COL4A1: variants seen among roughly 807,000 people sequenced by gnomAD.
COL4A1 encodes collagen alpha-1(IV) chain.
COL4A1 carries 40 observed loss-of-function variants against 216.6 expected under a neutral mutation model. The ratio of observed to expected loss-of-function variants is 0.18; its 90% CI spans 0.14 to 0.24. COL4A1 has a LOEUF of 0.24. Ranked by LOEUF, COL4A1 falls within the 10% of genes least tolerant of loss-of-function variation. COL4A1 has a pLI of 1.00. For synonymous variants in COL4A1, 839 were observed against 810.7 expected, an observed-to-expected ratio of 1.03 and a Z score of -0.59; for missense variants, 1,628 against 2,196.8, an observed-to-expected ratio of 0.74 and a Z score of 5.18.
chr13:110,155,240 T>C, intron 50 of COL4A1, 43 bp downstream of exon 50: 1 of 1,460,436 alleles, frequency 6.8e-7, no homozygotes, highest in Non-Finnish European at 9.6e-7. Flanking sequence ...GGGGCGTGAG[T>C]GGGGCTCTTC....
chr13:110,174,294 C>G (rs1594548100), intron 39 of COL4A1, 152 bp downstream of exon 39: 1 of 830,000 alleles, frequency 1.2e-6, no homozygotes, highest in African/African-American at 1.7e-5. Context: ...GATCCTGTAA[C>G]CTGCACTAGA....
intron 43 of COL4A1, among the ~76,000 whole-genome samples, chr13:110,168,906 A>G (rs1192005538): frequency 6.6e-6 from 1 of 152,218 alleles, no homozygotes; most frequent in African/African-American, 2.4e-5. Context: ...AGCTCTGCTA[A>G]TCCAGCTATT....
intron 49 of COL4A1, among the ~76,000 whole-genome samples, chr13:110,157,505 TCAGAGA>T (rs1184413495): frequency 6.6e-6 from 1 of 152,194 alleles, no homozygotes; most frequent in Non-Finnish European, 1.5e-5. Flanking sequence ...ACCTGCTTGC[TCAGAGA>T]CAGGGACAAA....
chr13:110,268,346 G>A lies in COL4A1; in HGVS notation c.85-25612C>T, dbSNP rs1031948163. ...AGCTTGGACCTGAATGCAAAAGATG[G>A]CAGGGATTTCTTGGGTGGGGAGGGG... On this transcript the variant is annotated intron_variant, in intron 1 of 51. Coordinates refer to ENST00000375820, the MANE Select transcript of COL4A1 (RefSeq NM_001845.6). The surrounding 1 kb of genome is among the most constrained non-coding windows in gnomAD (Gnocchi z 4.1). 2.6e-5 allele frequency among the ~76,000 whole-genome samples: 4 copies of A among 152,002 alleles called. No individual in the cohort carries two copies. Among genetic ancestry groups the A allele is most frequent in the African/African-American group, 9.7e-5 (4 of 41,420 alleles).
Position 110,155,380 on chromosome 13 carries a change from G to C in COL4A1, c.4658C>G (p.Ala1553Gly), listed in dbSNP as rs201150281. 2 of 1,613,962 alleles carry C rather than the reference G, an allele frequency of 1.2e-6. No homozygotes were observed. Among genetic ancestry groups the C allele is most frequent in the Non-Finnish European group, 1.7e-6 (2 of 1,179,854 alleles). ...GTGCACGGCCATCACCATGGCAGGCGCCTCACACACAGCACACCTGGAAGT... is the reference window on the plus strand; with the variant it reads ...GTGCACGGCCATCACCATGGCAGGCCCCTCACACACAGCACACCTGGAAGT... ...PFISRCAVCE[A>G]PAMVMAVHSQ... Residue 1553 changes from alanine to glycine, a missense_variant, in exon 50 of 52, where the codon GCG (alanine) becomes GGG (glycine). Ala to Gly is a moderately conservative substitution (Grantham distance 60). This residue lies in a region of COL4A1 where 254 missense variants were observed against 300.1 expected (regional missense o/e 0.85). Coordinates refer to ENST00000375820, the MANE Select transcript of COL4A1 (RefSeq NM_001845.6).
At chr13:110,215,738 T>C (rs1464059279) in intron 2 of COL4A1, among the ~76,000 whole-genome samples, 1 of 152,230 alleles carries the variant, frequency 6.6e-6, no homozygotes, top group Non-Finnish European at 1.5e-5. Flanking sequence ...GCAGGATTAC[T>C]TAGTGTTCAG....
chr13:110,179,069 G>C, intron 30 of COL4A1, 33 bp from the exon 31 acceptor site: 1 of 1,591,306 alleles, frequency 6.3e-7, no homozygotes, highest in Non-Finnish European at 8.6e-7. Flanking sequence ...AAGCTGTACA[G>C]GAGCAGTGGC....
intron 22 of COL4A1, 44 bp from the exon 23 acceptor site, chr13:110,192,957 A>G: frequency 2.6e-6 from 4 of 1,559,810 alleles, no homozygotes; most frequent in Non-Finnish European, 2.7e-6. Flanking sequence ...ACATGTGACC[A>G]GAAGTCTCCG....
At chr13:110,177,150 T>A in intron 33 of COL4A1, 113 bp from the exon 34 acceptor site, 2 of 1,534,246 alleles carry the variant, frequency 1.3e-6, no homozygotes, top group South Asian at 1.2e-5. Context: ...TACAAAGCAC[T>A]CATAACTTGT....
In COL4A1 at chr13:110,211,854, A is replaced by G. The variant is rs969152338; in HGVS notation, c.441+15T>C. On this transcript the variant is annotated intron_variant, in intron 7 of 51. Coordinates refer to ENST00000375820, the MANE Select transcript of COL4A1 (RefSeq NM_001845.6). This position sits in a 1 kb window ranked among gnomAD's most constrained non-coding sequence, Gnocchi z 4.3. The stretch of plus-strand genomic sequence containing the variant: ...CTAAAAGAAAGAAGTTCTGCCCTAA[A>G]TAACCTCTACTCACGGGATTTCCAG... 2 of 1,613,982 alleles carry G rather than the reference A, an allele frequency of 1.2e-6. No homozygotes were observed. The highest frequency in any genetic ancestry group is 2.7e-5 in the African/African-American group (2 of 74,940).
chr13:110,224,189 C>T (rs1469338130), intron 2 of COL4A1, among the ~76,000 whole-genome samples: 3 of 151,588 alleles, frequency 2.0e-5, no homozygotes, highest in Non-Finnish European at 4.4e-5. Flanking sequence ...TTTTGAAGTT[C>T]CATGAAATTT....
In COL4A1 at chr13:110,192,867, C is replaced by A; in HGVS notation, c.1428G>T (p.Arg476=). Reference sequence around the variant, plus strand: ...GGGGTCCCTGTGGCCCGGGAGGCCCCCGATATCCGTCTATATCACAGATGA... The same window carrying A: ...GGGGTCCCTGTGGCCCGGGAGGCCCACGATATCCGTCTATATCACAGATGA... ...SCLICDIDGY[R]GPPGPQGPPG... Residue 476 remains arginine, a synonymous_variant, in exon 23 of 52, where the codon CGG becomes CGT. Coordinates refer to ENST00000375820, the MANE Select transcript of COL4A1 (RefSeq NM_001845.6). The A allele has an allele frequency of 6.2e-7, 1 of 1,614,162 alleles. No individual in the cohort carries two copies. The highest frequency in any genetic ancestry group is 8.5e-7 in the Non-Finnish European group (1 of 1,180,010).
At chr13:110,267,376 T>G (rs1399813189) in intron 1 of COL4A1, among the ~76,000 whole-genome samples, 5 of 152,012 alleles carry the variant, frequency 3.3e-5, no homozygotes, top group Non-Finnish European at 7.4e-5. Flanking sequence ...GATGAACGTG[T>G]TTTTTCTGTC....
intron 1 of COL4A1, among the ~76,000 whole-genome samples, chr13:110,300,929 C>T (rs1368291023): frequency 2.6e-5 from 4 of 152,100 alleles, no homozygotes; most frequent in Non-Finnish European, 5.9e-5. Flanking sequence ...TTGTCTTGTA[C>T]CTTAAAGATC....
intron 1 of COL4A1, among the ~76,000 whole-genome samples, chr13:110,277,102 G>A (rs373749361): frequency 1.2e-4 from 19 of 152,226 alleles, no homozygotes; most frequent in African/African-American, 3.9e-4. Context: ...TGTATAGTAC[G>A]TTAATCGAGC....
At chr13:110,209,570 C>A in intron 10 of COL4A1, 143 bp from the exon 11 acceptor site, 1 of 709,616 alleles carries the variant, frequency 1.4e-6, no homozygotes, top group East Asian at 2.5e-5. Flanking sequence ...TCCCCTCCCT[C>A]CCCACTCCTA....
At chr13:110,221,481 G>A (rs1033553271) in intron 2 of COL4A1, among the ~76,000 whole-genome samples, 2 of 152,082 alleles carry the variant, frequency 1.3e-5, no homozygotes, top group South Asian at 2.1e-4. Flanking sequence ...CAAACCATCT[G>A]ACGTCCCCGA....
chr13:110,219,158 G>A (rs974952357), intron 2 of COL4A1, among the ~76,000 whole-genome samples: 1 of 152,204 alleles, frequency 6.6e-6, no homozygotes, highest in Non-Finnish European at 1.5e-5. Flanking sequence ...TTGACGTCAG[G>A]GCAGGAATAC....
At chr13:110,277,006 C>A (rs1321676166) in intron 1 of COL4A1, among the ~76,000 whole-genome samples, 1 of 152,216 alleles carries the variant, frequency 6.6e-6, no homozygotes, top group Admixed American at 6.5e-5. Flanking sequence ...CAGGGATGTG[C>A]GTTTTCTCAC....
Sources: gnomAD v4.1 joint callset for allele counts (sites outside exome capture counted in the v4.1 genomes callset) on GRCh38, gnomAD v4.1.1 for gene constraint, gnomAD v4.1.1 regional missense constraint, Gnocchi (gnomAD v3.1) non-coding constraint, MANE v1.5 for transcripts, NCBI Gene and HGNC (gene_info 2026-07-23, HGNC 2026-07-21) for gene names.